Variants in RBM47 observed in about 807,000 individuals in gnomAD.
The protein encoded by RBM47 is RNA-binding protein 47.
RBM47 carries 21 observed loss-of-function variants against 47.1 expected under a neutral mutation model. That is an observed-to-expected ratio of 0.45 (90% CI 0.32 to 0.64). The LOEUF (loss-of-function observed/expected upper bound fraction) is 0.64. Ranked by LOEUF, RBM47 falls within the 30% of genes least tolerant of loss-of-function variation. The pLI, the probability that RBM47 is intolerant of heterozygous loss-of-function variation, is 0.05. For synonymous variants in RBM47, 375 were observed against 361.7 expected (o/e 1.04, Z -0.42); for missense variants, 708 against 870.9 (o/e 0.81, Z 2.35).
chr4:40,581,149 C>T (rs767124705), intron 1 of RBM47, among the ~76,000 whole-genome samples: 1 of 152,028 alleles, frequency 6.6e-6, no homozygotes, highest in African/African-American at 2.4e-5. Flanking sequence ...AAGCCGGGCA[C>T]GGTGGCTCAG....
intron 4 of RBM47, among the ~76,000 whole-genome samples, chr4:40,437,090 A>AAAAAAAAAAAAAAAAAATAT (rs1256296949): frequency 1.6e-4 from 8 of 49,796 alleles, no homozygotes; most frequent in East Asian, 7.7e-4. Flanking sequence ...AAAAAAAAAA[A>AAAAAAAAAAAAAAAAAATAT]ATATATATAT....
chr4:40,564,923 G>A (rs552440774), intron 1 of RBM47, among the ~76,000 whole-genome samples: 13 of 152,320 alleles, frequency 8.5e-5, no homozygotes, highest in South Asian at 8.3e-4. Context: ...CAGGAGTGGC[G>A]GAGCTTCTGA....
chr4:40,548,235 G>A (rs956206803), intron 1 of RBM47, among the ~76,000 whole-genome samples: 1 of 152,144 alleles, frequency 6.6e-6, no homozygotes, highest in Non-Finnish European at 1.5e-5. Flanking sequence ...AAGACAAGAG[G>A]GCATTTTCCA....
At chr4:40,622,322 A>G (rs1408958641) in intron 1 of RBM47, among the ~76,000 whole-genome samples, 2 of 152,218 alleles carry the variant, frequency 1.3e-5, no homozygotes, top group African/African-American at 4.8e-5. Context: ...AAGGAGGTGA[A>G]GGAGTGAAGC....
chr4:40,485,489 C>T (rs1720948145), intron 2 of RBM47, among the ~76,000 whole-genome samples: 1 of 152,178 alleles, frequency 6.6e-6, no homozygotes, highest in Admixed American at 6.5e-5. Flanking sequence ...CACCTCAATG[C>T]TTTGTCAAGC....
At chr4:40,426,688 C>T (rs1220685314) in intron 6 of RBM47, 1 of 152,372 alleles carries the variant, frequency 6.6e-6, no homozygotes, top group Non-Finnish European at 1.5e-5. Flanking sequence ...CTTATAATAC[C>T]TAATATGATG....
At chr4:40,489,327 T>C (rs1009359667) in intron 2 of RBM47, among the ~76,000 whole-genome samples, 3 of 152,010 alleles carry the variant, frequency 2.0e-5, no homozygotes, top group Admixed American at 2.0e-4. Flanking sequence ...ATAATAATGA[T>C]TTAGGTGGGA....
chr4:40,528,694 G>T (rs981658405), intron 2 of RBM47, among the ~76,000 whole-genome samples: 3 of 151,976 alleles, frequency 2.0e-5, no homozygotes, highest in Admixed American at 2.0e-4. Context: ...GAACCTGGGA[G>T]GTGGAGGTTG....
At chr4:40,427,929 G>T (rs1715293263) in intron 6 of RBM47, among the ~76,000 whole-genome samples, 1 of 152,076 alleles carries the variant, frequency 6.6e-6, no homozygotes, top group African/African-American at 2.4e-5. Context: ...GGTGGCTCAT[G>T]CCTGTAATCC....
chr4:40,594,674 C>T (rs963627877), intron 1 of RBM47, among the ~76,000 whole-genome samples: 1 of 152,188 alleles, frequency 6.6e-6, no homozygotes, highest in African/African-American at 2.4e-5. Context: ...CTCATGCTAT[C>T]CTCATAGCCC....
chr4:40,502,986 C>CAAAAA (rs35856007), intron 2 of RBM47, among the ~76,000 whole-genome samples: 2 of 86,430 alleles, frequency 2.3e-5, no homozygotes, highest in Admixed American at 1.3e-4. Context: ...CCTGTCTGTA[C>CAAAAA]AAAAAAAAAA....
At chr4:40,535,981 G>A (rs1045186000) in intron 2 of RBM47, among the ~76,000 whole-genome samples, 6 of 152,230 alleles carry the variant, frequency 3.9e-5, no homozygotes, top group African/African-American at 9.6e-5. Flanking sequence ...GATTACAGGC[G>A]TGAGCCACTG....
chr4:40,447,724 A>G (rs1714745663), intron 3 of RBM47, among the ~76,000 whole-genome samples: 1 of 151,046 alleles, frequency 6.6e-6, no homozygotes, highest in Non-Finnish European at 1.5e-5. Flanking sequence ...TAAAAATTTA[A>G]AACAGGCCAG....
At chr4:40,614,418 G>A (rs559565938) in intron 1 of RBM47, among the ~76,000 whole-genome samples, 1 of 152,294 alleles carries the variant, frequency 6.6e-6, no homozygotes, top group East Asian at 1.9e-4. Context: ...AGGCAGTGAG[G>A]AGAAGGGCCA....
chr4:40,576,025 A>G (rs906588051), intron 1 of RBM47, among the ~76,000 whole-genome samples: 25 of 152,178 alleles, frequency 1.6e-4, no homozygotes, highest in African/African-American at 5.5e-4. Flanking sequence ...TCGCCACCCA[A>G]GGCAGGGTTC....
chr4:40,436,940 C>CCG, intron 4 of RBM47: 1 of 473,688 alleles, frequency 2.1e-6, no homozygotes, highest in East Asian at 5.4e-5. Context: ...CCCTCCCCCC[C>CCG]GCCAAAAAAA....
At chr4:40,578,743 G>A (rs1458468557) in intron 1 of RBM47, among the ~76,000 whole-genome samples, 1 of 152,240 alleles carries the variant, frequency 6.6e-6, no homozygotes, top group Non-Finnish European at 1.5e-5. Context: ...AAATGGTGCT[G>A]TGTAGCAGGG....
rs1166329290 is a variant in RBM47 at position 40,434,002 on chromosome 4, G to GGTGTGTGT, written c.1331-1148_1331-1141dup. Among the ~76,000 whole-genome samples, 26 of 45,710 alleles carry GGTGTGTGT rather than the reference G, an allele frequency of 5.7e-4. 3 individuals are homozygous for GGTGTGTGT. Among genetic ancestry groups the GGTGTGTGT allele is most frequent in the African/African-American group, 1.3e-3 (25 of 19,142 alleles). 30.0% of individuals were successfully genotyped at this position (45,710 alleles called of 152,430 possible). On this transcript the variant is annotated intron_variant, in intron 5 of 6. Transcript: ENST00000295971. The stretch of plus-strand genomic sequence containing the variant: ...TGTGAGTGTGTGTGTGTGGGGCGGG[G>GGTGTGTGT]GTGTGTGTGTGTGTGTGTGTGTGTG...
rs188830695 is a variant in RBM47, at chr4:40,467,227, T to C, written c.-154-528A>G. 2.2e-4 allele frequency among the ~76,000 whole-genome samples: 33 copies of C among 152,078 alleles called. 1 individual carries two copies. The highest frequency in any genetic ancestry group is 5.2e-4 in the Admixed American group (8 of 15,278). On this transcript the variant is annotated intron_variant, in intron 2 of 6. Transcript: ENST00000295971. ...ACCATTGAAGCAAGTACTCCAGCTA[T>C]CCACTACCAACCAGAGTTGGTATGA...
Sources: allele counts gnomAD v4.1 joint callset (sites outside exome capture counted in the v4.1 genomes callset), GRCh38; gene constraint gnomAD v4.1.1; transcripts MANE v1.5; gene names NCBI Gene and HGNC (gene_info 2026-07-23, HGNC 2026-07-21).